The following GRIK4 variants were observed in gnomAD, a reference collection of about 807,000 sequenced individuals.
The protein encoded by GRIK4 is glutamate receptor ionotropic, kainate 4.
A neutral mutation model predicts 104.9 loss-of-function variants in GRIK4; 40 were observed. The ratio of observed to expected loss-of-function variants is 0.38; its 90% CI spans 0.30 to 0.50. GRIK4 has a LOEUF of 0.50. Ranked by LOEUF, GRIK4 falls within the 20% of genes least tolerant of loss-of-function variation. The probability of loss-of-function intolerance (pLI) is 0.93; values close to 1 mark genes in which losing one functional copy is unlikely to be tolerated. For missense variants in GRIK4, 1,047 were observed against 1,308.1 expected (o/e 0.80, Z 3.08); for synonymous variants, 485 against 524.9 (o/e 0.92, Z 1.04).
intron 6 of GRIK4, among the ~76,000 whole-genome samples, chr11:120,826,944 G>T (rs1953280592): frequency 6.6e-6 from 1 of 152,296 alleles, no homozygotes; most frequent in South Asian, 2.1e-4. Context: ...ACACCCTGAG[G>T]CATGGGCACC....
intron 4 of GRIK4, among the ~76,000 whole-genome samples, chr11:120,803,891 A>G (rs1231632715): frequency 1.3e-5 from 2 of 152,104 alleles, no homozygotes; most frequent in African/African-American, 4.8e-5. Flanking sequence ...AAGTGTTATC[A>G]CCTCCACTTT....
intron 3 of GRIK4, among the ~76,000 whole-genome samples, chr11:120,765,103 T>G (rs1420955631): frequency 6.6e-6 from 1 of 152,160 alleles, no homozygotes; most frequent in East Asian, 1.9e-4. Flanking sequence ...CAATCAAACG[T>G]AGGTTTTGTC....
intron 3 of GRIK4, among the ~76,000 whole-genome samples, chr11:120,728,662 C>T (rs889386452): frequency 6.6e-6 from 1 of 152,082 alleles, no homozygotes; most frequent in Non-Finnish European, 1.5e-5. Flanking sequence ...TTATGAGGTA[C>T]ATGAGATACT....
chr11:120,625,326 G>A (rs913920341), intron 1 of GRIK4, among the ~76,000 whole-genome samples: 21 of 152,166 alleles, frequency 1.4e-4, no homozygotes, highest in Non-Finnish European at 1.3e-4. Flanking sequence ...AAAAGAGGGA[G>A]GTCAGAGCAA....
At chr11:120,586,209 T>C (rs1262843661) in intron 1 of GRIK4, among the ~76,000 whole-genome samples, 1 of 151,938 alleles carries the variant, frequency 6.6e-6, no homozygotes, top group African/African-American at 2.4e-5. Context: ...GGGGAGGTCA[T>C]GTGAGTGGGT....
chr11:120,685,207 T>C (rs937217902), intron 3 of GRIK4, among the ~76,000 whole-genome samples: 3 of 152,190 alleles, frequency 2.0e-5, no homozygotes, highest in African/African-American at 7.2e-5. Context: ...CAAGTGAGCT[T>C]TAGTCTAGTT....
intron 8 of GRIK4, among the ~76,000 whole-genome samples, chr11:120,849,182 C>T (rs542527765): frequency 6.6e-6 from 1 of 152,280 alleles, no homozygotes; most frequent in African/African-American, 2.4e-5. Flanking sequence ...CACACACACA[C>T]ATTTCTATGC....
Position 120,521,138 on chromosome 11 carries a change from T to C in GRIK4, c.-159+9251T>C, listed in dbSNP as rs1049606741. Reference sequence around the variant, plus strand: ...AGTTTCACTCTCACCCAGGCGAGAGTGCAGTGGCATGATTACAGCTCACTG... The same window carrying C: ...AGTTTCACTCTCACCCAGGCGAGAGCGCAGTGGCATGATTACAGCTCACTG... On this transcript the variant is annotated intron_variant, in intron 1 of 20. Coordinates refer to ENST00000527524, the MANE Select transcript of GRIK4 (RefSeq NM_014619.5). Among the ~76,000 whole-genome samples, 14 of 152,168 alleles carry C rather than the reference T, an allele frequency of 9.2e-5. No homozygotes were observed. The South Asian group carries it at 1.7e-3, about 18-fold the overall frequency.
chr11:120,567,034 T>C (rs552407669), intron 1 of GRIK4, among the ~76,000 whole-genome samples: 1 of 146,630 alleles, frequency 6.8e-6, no homozygotes, highest in South Asian at 2.2e-4. Context: ...TGGAGTGTAG[T>C]TGCTATTCAT....
intron 1 of GRIK4, among the ~76,000 whole-genome samples, chr11:120,563,395 G>T (rs530385674): frequency 6.6e-6 from 1 of 152,226 alleles, no homozygotes; most frequent in East Asian, 1.9e-4. Context: ...TGTGCCCAGT[G>T]ACAAGCTTGT....
At chr11:120,575,288 C>T (rs541138262) in intron 1 of GRIK4, among the ~76,000 whole-genome samples, 38 of 152,294 alleles carry the variant, frequency 2.5e-4, no homozygotes, top group African/African-American at 7.5e-4. Context: ...CTTGGTGCTA[C>T]TATCTTTCCA....
rs1943666398 is a variant in GRIK4, at chr11:120,939,281, C to T, written c.1477-1066C>T. 6.6e-6 allele frequency among the ~76,000 whole-genome samples: 1 copy of T among 152,182 alleles called. No individual in the cohort carries two copies. Among genetic ancestry groups the T allele is most frequent in the Non-Finnish European group, 1.5e-5 (1 of 68,032 alleles). The stretch of plus-strand genomic sequence containing the variant: ...TTTCCCAGAAGGGTTTAATTCAGGG[C>T]TAACTCTCATCAGATGTGGGCACTT... On this transcript the variant is annotated intron_variant, in intron 13 of 20. Coordinates refer to ENST00000527524, the MANE Select transcript of GRIK4 (RefSeq NM_014619.5). This position sits in a 1 kb window ranked among gnomAD's most constrained non-coding sequence, Gnocchi z 5.6.
chr11:120,904,526 C>T (rs931213583), intron 12 of GRIK4, among the ~76,000 whole-genome samples: 2 of 152,234 alleles, frequency 1.3e-5, no homozygotes, highest in African/African-American at 4.8e-5. Context: ...TCCTTACTCG[C>T]AGCCTTGCGT....
chr11:120,895,590 A>C (rs1165888887), intron 11 of GRIK4, among the ~76,000 whole-genome samples: 2 of 152,202 alleles, frequency 1.3e-5, no homozygotes, highest in Non-Finnish European at 2.9e-5. Context: ...AGTGAAGGGC[A>C]CATTCGTATC....
intron 18 of GRIK4, 145 bp downstream of exon 18, chr11:120,962,826 T>G (rs921884978): frequency 1.9e-5 from 5 of 269,722 alleles, no homozygotes; most frequent in Admixed American, 1.0e-4. Flanking sequence ...TTCTAAAGTT[T>G]TTTTTTTTTT....
chr11:120,944,789 C>T (rs569214297), intron 14 of GRIK4, among the ~76,000 whole-genome samples: 39 of 152,302 alleles, frequency 2.6e-4, no homozygotes, highest in African/African-American at 9.4e-4. Context: ...GGGTTTATTC[C>T]CAGCTTTTAC....
chr11:120,615,043 C>A (rs536332113), intron 1 of GRIK4, among the ~76,000 whole-genome samples: 2 of 152,198 alleles, frequency 1.3e-5, no homozygotes, highest in South Asian at 2.1e-4. Flanking sequence ...CAAACAAAAA[C>A]CGTAAGCAAA....
intron 1 of GRIK4, among the ~76,000 whole-genome samples, chr11:120,557,907 A>G (rs1383391219): frequency 6.6e-6 from 1 of 150,704 alleles, no homozygotes; most frequent in Admixed American, 6.6e-5. Flanking sequence ...AGTCCCAGCT[A>G]CTCGGGAGGC....
chr11:120,903,835 C>T lies in GRIK4; in HGVS notation c.1273-1455C>T, dbSNP rs370965191. 3.3e-5 allele frequency among the ~76,000 whole-genome samples: 5 copies of T among 152,196 alleles called. No homozygotes were observed. The highest frequency in any genetic ancestry group is 9.7e-5 in the African/African-American group (4 of 41,448). On this transcript the variant is annotated intron_variant, in intron 12 of 20. Transcript: ENST00000527524. This position sits in a 1 kb window ranked among gnomAD's most constrained non-coding sequence, Gnocchi z 4.4. ...TGGCACTCGCTCAGTCCTCATCCTA[C>T]GGAGTCCTGCTGCCCCCACCACGCC... is the stretch of plus-strand genomic sequence containing the variant.
Sources: gnomAD v4.1 joint callset for allele counts (sites outside exome capture counted in the v4.1 genomes callset) on GRCh38, gnomAD v4.1.1 for gene constraint, Gnocchi (gnomAD v3.1) non-coding constraint, MANE v1.5 for transcripts, NCBI Gene and HGNC (gene_info 2026-07-23, HGNC 2026-07-21) for gene names.